The following SH2D4A variants were observed in gnomAD, a reference collection of about 807,000 sequenced individuals.
The protein encoded by SH2D4A is SH2 domain-containing protein 4A.
In SH2D4A, 70 loss-of-function variants were observed where a neutral mutation model predicts 64.7. The ratio of observed to expected loss-of-function variants is 1.08; its 90% CI spans 0.89 to 1.32. The LOEUF (loss-of-function observed/expected upper bound fraction) is 1.32. Among genes scored for constraint, SH2D4A ranks in the 40% most tolerant of loss-of-function variants. SH2D4A has a pLI of 0.00. For synonymous variants in SH2D4A, 268 were observed against 200.7 expected (o/e 1.34, Z -2.83); for missense variants, 706 against 540.1 (o/e 1.31, Z -3.04).
At chr8:19,388,933 AATTCTTGGAGG>A (rs936602641) in intron 8 of SH2D4A, among the ~76,000 whole-genome samples, 7 of 152,154 alleles carry the variant, frequency 4.6e-5, no homozygotes, top group African/African-American at 1.7e-4. Context: ...AGGTTCTGTG[AATTCTTGGAGG>A]ATTCTTGGAT....
At chr8:19,364,911 G>A (rs1475739741) in intron 7 of SH2D4A, among the ~76,000 whole-genome samples, 1 of 152,166 alleles carries the variant, frequency 6.6e-6, no homozygotes, top group African/African-American at 2.4e-5. Context: ...ATTTGTTCTG[G>A]AAAAACTGTA....
intron 3 of SH2D4A, among the ~76,000 whole-genome samples, chr8:19,333,611 G>A (rs1416835043): frequency 6.6e-6 from 1 of 152,168 alleles, no homozygotes. Flanking sequence ...TGCCTACCCA[G>A]TGCAAGGTAC....
chr8:19,383,721 T>C (rs1211728097), intron 8 of SH2D4A, among the ~76,000 whole-genome samples: 2 of 152,146 alleles, frequency 1.3e-5, no homozygotes, highest in Non-Finnish European at 2.9e-5. Context: ...GCTTCTTTTT[T>C]AGCCTGTATC....
intron 8 of SH2D4A, among the ~76,000 whole-genome samples, chr8:19,377,338 A>C (rs11989637): frequency 0.16 from 24,357 of 152,158 alleles, 2,004 homozygotes; most frequent in Middle Eastern, 0.21. Context: ...GCCTAGATGG[A>C]GCCACTGTAC....
chr8:19,317,752 G>A (rs936586894), intron 1 of SH2D4A, among the ~76,000 whole-genome samples: 3 of 152,160 alleles, frequency 2.0e-5, no homozygotes, highest in Admixed American at 6.5e-5. Context: ...ACAACACTAC[G>A]ATGGTCATAA....
chr8:19,368,849 C>A (rs1041831814), intron 7 of SH2D4A, among the ~76,000 whole-genome samples: 1 of 151,918 alleles, frequency 6.6e-6, no homozygotes, highest in Non-Finnish European at 1.5e-5. Flanking sequence ...CATTCCTGTG[C>A]CTAGGACTTT....
chr8:19,363,948 T>C, intron 6 of SH2D4A, 124 bp from the exon 7 acceptor site: 1 of 837,864 alleles, frequency 1.2e-6, no homozygotes, highest in Non-Finnish European at 1.9e-6. Flanking sequence ...TGATTGTTCC[T>C]TATTATAAGC....
intron 8 of SH2D4A, among the ~76,000 whole-genome samples, chr8:19,381,786 C>T (rs2053297330): frequency 6.6e-6 from 1 of 152,134 alleles, no homozygotes; most frequent in Admixed American, 6.6e-5. Context: ...GTTTTTCATA[C>T]ATGGCCTTTA....
At chr8:19,347,946 C>G (rs904131190) in intron 4 of SH2D4A, among the ~76,000 whole-genome samples, 11 of 152,174 alleles carry the variant, frequency 7.2e-5, no homozygotes, top group African/African-American at 2.7e-4. Flanking sequence ...CGTGTGCATG[C>G]TTTCCACACT....
intron 9 of SH2D4A, 119 bp from the exon 10 acceptor site, chr8:19,394,419 TTTAAGATGATCA>T (rs1371135492): frequency 5.1e-6 from 3 of 593,758 alleles, no homozygotes; most frequent in Non-Finnish European, 8.6e-6. Context: ...AAAAATGCCT[TTTAAGATGATCA>T]TAAACCACAA....
intron 7 of SH2D4A, among the ~76,000 whole-genome samples, chr8:19,367,531 G>A (rs2053018148): frequency 1.3e-5 from 2 of 152,040 alleles, no homozygotes. Context: ...TTGGTCATTC[G>A]TATGTCTTCT....
At chr8:19,352,645 C>T (rs1320754641) in intron 4 of SH2D4A, among the ~76,000 whole-genome samples, 8 of 152,124 alleles carry the variant, frequency 5.3e-5, no homozygotes, top group Non-Finnish European at 1.2e-4. Flanking sequence ...CTGGGAGACC[C>T]TGAGGAAGGA....
chr8:19,385,935 C>T (rs188588743), intron 8 of SH2D4A, among the ~76,000 whole-genome samples: 77 of 152,336 alleles, frequency 5.1e-4, no homozygotes, highest in African/African-American at 1.7e-3. Flanking sequence ...TCTGTCTTCA[C>T]TGAGCACAGA....
intron 8 of SH2D4A, among the ~76,000 whole-genome samples, chr8:19,389,892 TAC>T (rs1237588776): frequency 1.3e-5 from 2 of 152,210 alleles, no homozygotes; most frequent in East Asian, 3.9e-4. Context: ...AAATAAAAAT[TAC>T]TGCTTTTCTC....
chr8:19,395,231 G>C lies in SH2D4A; in HGVS notation c.*589G>C, dbSNP rs946201789. ...CATGAAAATACAGATGGACCTGCAG[G>C]AAAGTGAGCAAACATCGCTGAGTTT... On this transcript the variant is annotated 3_prime_UTR_variant, in exon 10 of 10. Transcript: ENST00000265807. 1 of 152,254 alleles carries C rather than the reference G, an allele frequency of 6.6e-6. No individual in the cohort carries two copies. Among genetic ancestry groups the C allele is most frequent in the Non-Finnish European group, 1.5e-5 (1 of 68,064 alleles). The allele number at this position is 152,254 out of a possible 1,614,324, so 9.4% of individuals were successfully genotyped here. A position where few individuals can be genotyped will look rare whatever the true frequency, so the allele number is the denominator to read the frequency against.
At chr8:19,342,854 A>G (rs1585161101) in intron 4 of SH2D4A, among the ~76,000 whole-genome samples, 1 of 152,194 alleles carries the variant, frequency 6.6e-6, no homozygotes, top group South Asian at 2.1e-4. Flanking sequence ...AAACATGGAG[A>G]AAGGGAAAGA....
In SH2D4A at chr8:19,395,778, C is replaced by T. The variant is rs753067737; in HGVS notation, c.*1136C>T. The T allele has an allele frequency of 1.3e-5, 2 of 152,194 alleles. No individual in the cohort carries two copies. Among genetic ancestry groups the T allele is most frequent in the African/African-American group, 4.8e-5 (2 of 41,440 alleles). The allele number at this position is 152,194 out of a possible 1,614,324, so 9.4% of individuals were successfully genotyped here. A position where few individuals can be genotyped will look rare whatever the true frequency, so the allele number is the denominator to read the frequency against. ...GACTTCAGAATTCCAGACTCCAGAA[C>T]TGGAAGAATAAATGTCTGTTGTTTT... On this transcript the variant is annotated 3_prime_UTR_variant, in exon 10 of 10. Coordinates refer to ENST00000265807, the MANE Select transcript of SH2D4A (RefSeq NM_022071.4).
At chr8:19,356,261 G>C (rs1373889775) in intron 4 of SH2D4A, among the ~76,000 whole-genome samples, 2 of 152,358 alleles carry the variant, frequency 1.3e-5, no homozygotes, top group Admixed American at 1.3e-4. Flanking sequence ...TTTGAGAAAA[G>C]GGGAAGATTG....
At chr8:19,350,301 T>A (rs557991467) in intron 4 of SH2D4A, among the ~76,000 whole-genome samples, 2 of 152,324 alleles carry the variant, frequency 1.3e-5, no homozygotes, top group Non-Finnish European at 1.5e-5. Flanking sequence ...TCTGCATCAC[T>A]GCATTTTTCA....
Sources: gnomAD v4.1 joint callset for allele counts (sites outside exome capture counted in the v4.1 genomes callset) on GRCh38, gnomAD v4.1.1 for gene constraint, MANE v1.5 for transcripts, NCBI Gene and HGNC (gene_info 2026-07-23, HGNC 2026-07-21) for gene names.